The following ANTXR2 variants were observed in gnomAD, a reference collection of about 807,000 sequenced individuals.
ANTXR2 encodes the protein ANTXR cell adhesion molecule 2, also known as anthrax toxin receptor 2.
Under a neutral mutation model 73.7 loss-of-function variants are expected in ANTXR2, and 44 were observed. The observed-to-expected ratio is 0.60, with a 90% CI of 0.47 to 0.77. The LOEUF (loss-of-function observed/expected upper bound fraction) is 0.77, where lower values mean the gene tolerates loss of function less well. ANTXR2 is among the 30% of genes least tolerant of loss of function. The pLI is 0.00. For missense variants in ANTXR2, 604 were observed against 592.5 expected (o/e 1.02, Z -0.20); for synonymous variants, 217 against 205.9 (o/e 1.05, Z -0.46).
intron 3 of ANTXR2, among the ~76,000 whole-genome samples, chr4:80,063,291 A>C (rs1734345696): frequency 6.6e-6 from 1 of 152,146 alleles, no homozygotes; most frequent in East Asian, 1.9e-4. Context: ...TATTCCACCC[A>C]AGGTCCAATT....
At chr4:80,020,282 A>T (rs577936402) in intron 10 of ANTXR2, among the ~76,000 whole-genome samples, 4 of 152,186 alleles carry the variant, frequency 2.6e-5, no homozygotes, top group South Asian at 4.2e-4. Context: ...ACTATTCAGG[A>T]GGCTGTGGCA....
At chr4:79,948,220 A>AC (rs1325977950) in intron 16 of ANTXR2, among the ~76,000 whole-genome samples, 1 of 152,122 alleles carries the variant, frequency 6.6e-6, no homozygotes, top group African/African-American at 2.4e-5. Flanking sequence ...TTGGGAAAAT[A>AC]CCCCCTCAAA....
intron 11 of ANTXR2, among the ~76,000 whole-genome samples, chr4:80,012,767 G>T (rs1352879904): frequency 6.6e-6 from 1 of 152,144 alleles, no homozygotes; most frequent in East Asian, 1.9e-4. Flanking sequence ...GGACAGTAAG[G>T]ACTGAAACCA....
intron 10 of ANTXR2, among the ~76,000 whole-genome samples, chr4:80,026,280 G>A (rs555494765): frequency 1.3e-5 from 2 of 152,134 alleles, no homozygotes; most frequent in South Asian, 2.1e-4. Context: ...TCCTGGGCTT[G>A]CACTTCTCTC....
intron 10 of ANTXR2, among the ~76,000 whole-genome samples, chr4:80,027,686 G>A (rs944060521): frequency 9.9e-5 from 15 of 152,078 alleles, no homozygotes; most frequent in Admixed American, 5.2e-4. Flanking sequence ...ATAAGACTCC[G>A]GTTCATTCTG....
intron 7 of ANTXR2, among the ~76,000 whole-genome samples, chr4:80,041,835 ATATGT>A (rs1733279441): frequency 6.6e-6 from 1 of 152,068 alleles, no homozygotes; most frequent in Admixed American, 6.6e-5. Context: ...TCCATGGTGT[ATATGT>A]ACTACATTCT....
At chr4:79,917,432 G>A (rs185287287) in intron 16 of ANTXR2, among the ~76,000 whole-genome samples, 1 of 152,254 alleles carries the variant, frequency 6.6e-6, no homozygotes, top group African/African-American at 2.4e-5. Context: ...GGCCCTCTCA[G>A]ATTGCAAGTC....
chr4:79,910,966 G>C (rs62297553), intron 16 of ANTXR2, among the ~76,000 whole-genome samples: 1 of 133,640 alleles, frequency 7.5e-6, no homozygotes, highest in Non-Finnish European at 1.7e-5. Flanking sequence ...GCTGCCATCC[G>C]CTTACCAGAA....
At chr4:79,957,439 A>C (rs1728932341) in intron 16 of ANTXR2, among the ~76,000 whole-genome samples, 1 of 152,108 alleles carries the variant, frequency 6.6e-6, no homozygotes, top group South Asian at 2.1e-4. Context: ...CAAAAAGAAA[A>C]GTATAATGTA....
chr4:80,063,363 T>C (rs1734350007), intron 3 of ANTXR2, among the ~76,000 whole-genome samples: 1 of 152,204 alleles, frequency 6.6e-6, no homozygotes, highest in African/African-American at 2.4e-5. Context: ...ATATGCTCTA[T>C]TCCTGAATGC....
chr4:80,072,590 C>G lies in ANTXR2; in HGVS notation c.-30G>C. 2 of 1,484,816 alleles carry G rather than the reference C, an allele frequency of 1.3e-6. No individual in the cohort carries two copies. The highest frequency in any genetic ancestry group is 1.8e-6 in the Non-Finnish European group (2 of 1,119,034). The allele number at this position is 1,484,816 out of a possible 1,614,324, so 92.0% of individuals were successfully genotyped here. ...CGGCCGGGGGCCTGAGACTCCCTCC[C>G]GCTCGCAGTCCCCTAAGCTCAGGAG... On this transcript the variant is annotated 5_prime_UTR_variant, in exon 1 of 17. Coordinates refer to ENST00000403729, the MANE Select transcript of ANTXR2 (RefSeq NM_058172.6).
chr4:80,040,580 A>G lies in ANTXR2; in HGVS notation c.637-4548T>C, dbSNP rs114062223. On this transcript the variant is annotated intron_variant, in intron 7 of 16. Coordinates refer to ENST00000403729, the MANE Select transcript of ANTXR2 (RefSeq NM_058172.6). ...AGTAAAAGAAAATAGTTTCTACTAA[A>G]TATAGCCTTAGCTGATATTAGAGAG... Among the ~76,000 whole-genome samples, 1,414 of 152,236 alleles carry G rather than the reference A, an allele frequency of 9.3e-3. 13 individuals carry two copies. The highest frequency in any genetic ancestry group is 0.014 in the Middle Eastern group (4 of 294).
chr4:80,038,577 A>T (rs2110089846), intron 7 of ANTXR2, among the ~76,000 whole-genome samples: 1 of 152,238 alleles, frequency 6.6e-6, no homozygotes, highest in South Asian at 2.1e-4. Flanking sequence ...TTAAGCAGAG[A>T]TTAAGGATAG....
At position 79,907,480 on chromosome 4, in the gene ANTXR2, A is replaced by G. The variant is rs1057134555; in HGVS notation, c.1429-13T>C. 6.2e-7 allele frequency: 1 copy of G among 1,611,272 alleles called. No individual in the cohort carries two copies. Among genetic ancestry groups the G allele is most frequent in the South Asian group, 1.1e-5 (1 of 90,864 alleles). ...TTATGCACCGGCCCTGAAGAAAGAAATAAATCCATATTGAAATATTGAAGC... is the reference window on the plus strand; with the variant it reads ...TTATGCACCGGCCCTGAAGAAAGAAGTAAATCCATATTGAAATATTGAAGC... On this transcript the variant is annotated splice_polypyrimidine_tract_variant and intron_variant, in intron 16 of 16. Coordinates refer to ENST00000403729, the MANE Select transcript of ANTXR2 (RefSeq NM_058172.6).
intron 16 of ANTXR2, among the ~76,000 whole-genome samples, chr4:79,963,667 T>C (rs941595187): frequency 9.2e-5 from 14 of 152,186 alleles, no homozygotes; most frequent in African/African-American, 3.1e-4. Context: ...GCCTAAATTT[T>C]ACGAATGATA....
chr4:80,027,321 A>C (rs73829344), intron 10 of ANTXR2, among the ~76,000 whole-genome samples: 15,755 of 152,182 alleles, frequency 0.1, 906 homozygotes, highest in Middle Eastern at 0.23. Context: ...AGAATTAATC[A>C]ATTTTATTCC....
chr4:80,056,058 G>A lies in ANTXR2; in HGVS notation c.297-45C>T, dbSNP rs1006674535. 8.2e-6 allele frequency: 11 copies of A among 1,338,820 alleles called. No homozygotes were observed. The African/African-American group carries it at 1.1e-4, about 13-fold the overall frequency. 82.9% of individuals were successfully genotyped at this position (1,338,820 alleles called of 1,614,324 possible). On this transcript the variant is annotated intron_variant, in intron 3 of 16. Coordinates refer to ENST00000403729, the MANE Select transcript of ANTXR2 (RefSeq NM_058172.6). ...AAAGAAAAAATGAGCAAAGAGCAAA[G>A]GTAACAATAAACACTTCTTAAAAAA...
At chr4:79,977,528 G>A (rs1232412978) in intron 16 of ANTXR2, 93 bp downstream of exon 16, 4 of 1,518,124 alleles carry the variant, frequency 2.6e-6, no homozygotes, top group South Asian at 1.3e-5. Flanking sequence ...AAGTGCAATA[G>A]GGCTTTAAAA....
intron 16 of ANTXR2, among the ~76,000 whole-genome samples, chr4:79,911,947 T>C (rs1184689832): frequency 2.0e-5 from 3 of 151,976 alleles, no homozygotes; most frequent in Non-Finnish European, 1.5e-5. Flanking sequence ...TCATGCCTTA[T>C]AAATCATTGA....
Sources: allele counts gnomAD v4.1 joint callset (sites outside exome capture counted in the v4.1 genomes callset), GRCh38; gene constraint gnomAD v4.1.1; transcripts MANE v1.5; gene names NCBI Gene and HGNC (gene_info 2026-07-23, HGNC 2026-07-21).